Variants in SYNPO2 observed in about 807,000 individuals in gnomAD.
The protein encoded by SYNPO2 is synaptopodin 2.
A neutral mutation model predicts 85.0 loss-of-function variants in SYNPO2; 56 were observed. That is an observed-to-expected ratio of 0.66 (90% CI 0.53 to 0.82). The LOEUF (loss-of-function observed/expected upper bound fraction) is 0.82, where lower values mean the gene tolerates loss of function less well. Ranked by LOEUF, SYNPO2 falls within the 40% of genes least tolerant of loss-of-function variation. The probability of loss-of-function intolerance (pLI) is 0.00; values close to 1 mark genes in which losing one functional copy is unlikely to be tolerated. For synonymous variants in SYNPO2, 602 were observed against 591.1 expected, an observed-to-expected ratio of 1.02 and a Z score of -0.27; for missense variants, 1,575 against 1,534.2, an observed-to-expected ratio of 1.03 and a Z score of -0.44.
intron 1 of SYNPO2, among the ~76,000 whole-genome samples, chr4:118,870,502 A>G (rs574905561): frequency 6.6e-6 from 1 of 152,220 alleles, no homozygotes; most frequent in Non-Finnish European, 1.5e-5. Flanking sequence ...GAACATACAC[A>G]TGCATGTGTC....
At position 119,023,411 on chromosome 4, in the gene SYNPO2, C is replaced by CT. The variant is rs138607209; in HGVS notation, c.106-12dup. The stretch of plus-strand genomic sequence containing the variant: ...AAATTATATCATTCTACTATGTCTT[C>CT]TTTTTTTACTCCACTCAGATTCGAA... On this transcript the variant is annotated intron_variant, in intron 1 of 4. Coordinates refer to ENST00000307142, the MANE Select transcript of SYNPO2 (RefSeq NM_133477.3). 0.17 allele frequency: 265,467 copies of CT among 1,589,608 alleles called. 24,118 individuals carry two copies. Among genetic ancestry groups the CT allele is most frequent in the Middle Eastern group, 0.2 (1,194 of 5,916 alleles).
intron 4 of SYNPO2, among the ~76,000 whole-genome samples, chr4:119,050,866 C>T (rs971823150): frequency 3.3e-5 from 5 of 152,142 alleles, no homozygotes; most frequent in Non-Finnish European, 7.4e-5. Context: ...GACATGGTCC[C>T]GCAGTCATTT....
chr4:119,055,536 G>A (rs1739183206), intron 4 of SYNPO2, among the ~76,000 whole-genome samples: 1 of 152,174 alleles, frequency 6.6e-6, no homozygotes, highest in African/African-American at 2.4e-5. Flanking sequence ...TGAGGGCAAG[G>A]ACTTTATCAT....
chr4:119,033,526 A>G (rs998214062), intron 4 of SYNPO2: 2 of 985,326 alleles, frequency 2.0e-6, no homozygotes, highest in African/African-American at 3.5e-5. Context: ...GTAGAGAACT[A>G]TAAAGCATTT....
chr4:119,029,571 A>T (rs751062374), intron 3 of SYNPO2, among the ~76,000 whole-genome samples: 51 of 152,178 alleles, frequency 3.4e-4, no homozygotes, highest in Non-Finnish European at 5.6e-4. Context: ...TTAAAGTGGA[A>T]GGATCTCTAG....
chr4:119,006,980 C>T (rs990273316), intron 1 of SYNPO2, among the ~76,000 whole-genome samples: 2 of 151,236 alleles, frequency 1.3e-5, no homozygotes, highest in East Asian at 3.9e-4. Flanking sequence ...CTTTATTTTA[C>T]GGTTGTTTTC....
At chr4:119,034,107 T>G (rs1283883892) in intron 4 of SYNPO2, 2 of 985,354 alleles carry the variant, frequency 2.0e-6, no homozygotes, top group East Asian at 2.3e-4. Context: ...ATAACACAGT[T>G]GTTTGTATTA....
chr4:118,882,765 T>C (rs1030734703), intron 1 of SYNPO2, among the ~76,000 whole-genome samples: 4 of 146,324 alleles, frequency 2.7e-5, no homozygotes, highest in Admixed American at 7.3e-5. Flanking sequence ...TGCTGTAAGA[T>C]GCCTGCTAGT....
Position 119,036,595 on chromosome 4 carries a change from TC to T in SYNPO2, c.3252+4571del, listed in dbSNP as rs1336393324. 12 of 985,370 alleles carry T rather than the reference TC, an allele frequency of 1.2e-5. No individual in the cohort carries two copies. The African/African-American group carries it at 1.9e-4, about 16-fold the overall frequency. 61.0% of individuals were successfully genotyped at this position (985,370 alleles called of 1,614,324 possible). A position where few individuals can be genotyped will look rare whatever the true frequency, so the allele number is the denominator to read the frequency against. ...TGCTCTAAGAAGCCAGTTACTGTCA[TC>T]CCTCTATGGTTCTAGAAAAAATAGT... is the stretch of plus-strand genomic sequence containing the variant. On this transcript the variant is annotated intron_variant, in intron 4 of 4. Coordinates refer to ENST00000307142, the MANE Select transcript of SYNPO2 (RefSeq NM_133477.3).
At position 119,010,287 on chromosome 4, in the gene SYNPO2, G is replaced by T. The variant is rs574745638; in HGVS notation, c.106-13143G>T. ...ACATACCCGAGACTGGGAATAAAAA[G>T]AGGTTTAATTGGACTTACAGTTCCA... is the stretch of plus-strand genomic sequence containing the variant. On this transcript the variant is annotated intron_variant, in intron 1 of 4. Coordinates refer to ENST00000307142, the MANE Select transcript of SYNPO2 (RefSeq NM_133477.3). Among the ~76,000 whole-genome samples the T allele has an allele frequency of 2.6e-5, 4 of 152,296 alleles. No individual in the cohort carries two copies. The East Asian group carries it at 7.7e-4, about 29-fold the overall frequency.
At chr4:118,879,479 A>G (rs1018053991) in intron 1 of SYNPO2, among the ~76,000 whole-genome samples, 17 of 152,196 alleles carry the variant, frequency 1.1e-4, no homozygotes, top group Non-Finnish European at 1.3e-4. Context: ...GACGAGAGAC[A>G]CAAGAGAGAT....
chr4:119,051,197 T>TTTTG (rs1561030366), intron 4 of SYNPO2, among the ~76,000 whole-genome samples: 3 of 138,478 alleles, frequency 2.2e-5, no homozygotes, highest in Non-Finnish European at 4.7e-5. Flanking sequence ...TTTTTTTTTT[T>TTTTG]TTTTTTTTTT....
At chr4:119,014,150 C>G (rs531911830) in intron 1 of SYNPO2, among the ~76,000 whole-genome samples, 1 of 152,170 alleles carries the variant, frequency 6.6e-6, no homozygotes, top group African/African-American at 2.4e-5. Context: ...AGACCAGACA[C>G]GGTGGCTCAC....
chr4:119,031,467 G>C lies in SYNPO2; in HGVS notation c.2692G>C (p.Ala898Pro), dbSNP rs72914806. ...TTCAGACACGGTGCAGGCCCACGCTGCTCGAGCTCAGTCTCCCACTCCATC... is the reference window on the plus strand; with the variant it reads ...TTCAGACACGGTGCAGGCCCACGCTCCTCGAGCTCAGTCTCCCACTCCATC... ...VDSDTVQAHA[A>P]RAQSPTPSLP... The change falls in exon 4 of 5, where the codon GCT becomes CCT. Residue 898 changes from alanine to proline, a missense_variant. Ala to Pro is a conservative substitution (Grantham distance 27, BLOSUM62 -1). Transcript: ENST00000307142. The C allele has an allele frequency of 6.2e-7, 1 of 1,614,160 alleles. No homozygotes were observed. The highest frequency in any genetic ancestry group is 8.5e-7 in the Non-Finnish European group (1 of 1,180,022).
intron 4 of SYNPO2, among the ~76,000 whole-genome samples, chr4:119,055,157 ATTT>A (rs60067505): frequency 7.7e-6 from 1 of 129,444 alleles, no homozygotes; most frequent in African/African-American, 3.8e-5. Context: ...TTATTTATTT[ATTT>A]TTTTTTTTTG....
intron 1 of SYNPO2, among the ~76,000 whole-genome samples, chr4:119,020,318 C>T (rs1234273110): frequency 6.6e-6 from 1 of 152,136 alleles, no homozygotes; most frequent in Non-Finnish European, 1.5e-5. Context: ...ATGTTGACCT[C>T]AGAATGTATT....
At chr4:118,962,686 G>A (rs1038001528) in intron 1 of SYNPO2, among the ~76,000 whole-genome samples, 1 of 152,130 alleles carries the variant, frequency 6.6e-6, no homozygotes, top group Non-Finnish European at 1.5e-5. Flanking sequence ...AAATCAGCTA[G>A]GGAGATTGGC....
chr4:118,862,379 ACAGTGGG>A (rs1183924628), intron 1 of SYNPO2, among the ~76,000 whole-genome samples: 2 of 152,140 alleles, frequency 1.3e-5, no homozygotes, highest in Non-Finnish European at 2.9e-5. Flanking sequence ...AACAGTGGTG[ACAGTGGG>A]CATCCTTGTG....
chr4:118,978,052 G>C (rs769755458), intron 1 of SYNPO2, among the ~76,000 whole-genome samples: 6 of 152,328 alleles, frequency 3.9e-5, no homozygotes, highest in South Asian at 2.1e-4. Context: ...ATATGCTACT[G>C]TAGAATTTGT....
Sources: allele counts gnomAD v4.1 joint callset (sites outside exome capture counted in the v4.1 genomes callset), GRCh38; gene constraint gnomAD v4.1.1; transcripts MANE v1.5; gene names NCBI Gene and HGNC (gene_info 2026-07-23, HGNC 2026-07-21).